Variants in MAGI1 observed in about 807,000 individuals in gnomAD.
MAGI1 encodes the protein membrane-associated guanylate kinase, WW and PDZ domain-containing protein 1.
MAGI1 carries 58 observed loss-of-function variants against 139.9 expected under a neutral mutation model. The ratio of observed to expected loss-of-function variants is 0.41; its 90% CI spans 0.34 to 0.52. The LOEUF is 0.52. Among genes scored for constraint, MAGI1 ranks in the 20% least tolerant of loss-of-function variants. MAGI1 has a pLI of 0.12. For missense variants in MAGI1, 1,874 were observed against 1,901.6 expected, an observed-to-expected ratio of 0.99 and a Z score of 0.27; for synonymous variants, 812 against 737.9, an observed-to-expected ratio of 1.10 and a Z score of -1.63.
chr3:65,756,643 A>G (rs73832944), intron 1 of MAGI1, among the ~76,000 whole-genome samples: 3,032 of 152,120 alleles, frequency 0.02, 93 homozygotes, highest in African/African-American at 0.069. Context: ...AACTGTACAC[A>G]CTCTGAAGTG....
chr3:65,636,707 CACACACACACACACACAT>C (rs1234207308), intron 1 of MAGI1, among the ~76,000 whole-genome samples: 63 of 150,710 alleles, frequency 4.2e-4, no homozygotes, highest in African/African-American at 1.5e-3. Context: ...AACACATACA[CACACACACACACACACAT>C]ACACACACAC....
intron 1 of MAGI1, among the ~76,000 whole-genome samples, chr3:65,740,157 A>G (rs763164386): frequency 3.3e-5 from 5 of 152,248 alleles, no homozygotes; most frequent in Admixed American, 2.0e-4. Context: ...ACACAGAAAC[A>G]TAACAACCCA....
At chr3:65,692,557 C>A (rs1324443412) in intron 1 of MAGI1, among the ~76,000 whole-genome samples, 1 of 152,154 alleles carries the variant, frequency 6.6e-6, no homozygotes, top group African/African-American at 2.4e-5. Flanking sequence ...ACATCATCAT[C>A]ATCACCATCC....
intron 2 of MAGI1, among the ~76,000 whole-genome samples, chr3:65,612,120 G>A (rs1049183240): frequency 3.3e-5 from 5 of 151,952 alleles, no homozygotes; most frequent in Non-Finnish European, 5.9e-5. Flanking sequence ...ATAAGTAAGG[G>A]GGAAGAGAGA....
intron 1 of MAGI1, among the ~76,000 whole-genome samples, chr3:65,936,909 T>G (rs879943829): frequency 0.024 from 3,247 of 136,670 alleles, 42 homozygotes; most frequent in African/African-American, 0.037. Context: ...AAAGTTGTTG[T>G]TGTTGTTGTT....
chr3:65,417,123 A>T (rs989232472), intron 12 of MAGI1, among the ~76,000 whole-genome samples: 1 of 152,196 alleles, frequency 6.6e-6, no homozygotes, highest in Non-Finnish European at 1.5e-5. Context: ...CTTGCAATAA[A>T]GAGAAGTTCA....
chr3:65,900,596 C>T (rs1246388159), intron 1 of MAGI1, among the ~76,000 whole-genome samples: 1 of 152,046 alleles, frequency 6.6e-6, no homozygotes, highest in African/African-American at 2.4e-5. Flanking sequence ...TTGAAATTGG[C>T]GTGAAGAGGG....
At chr3:65,889,716 C>T (rs1480009219) in intron 1 of MAGI1, among the ~76,000 whole-genome samples, 1 of 152,064 alleles carries the variant, frequency 6.6e-6, no homozygotes, top group African/African-American at 2.4e-5. Context: ...ATAATAATGT[C>T]AGTTACCATC....
chr3:65,926,331 C>CTT lies in MAGI1; in HGVS notation c.313+111664_313+111665insAA, dbSNP rs1329547328. On this transcript the variant is annotated intron_variant, in intron 1 of 22. Coordinates refer to ENST00000402939, the MANE Select transcript of MAGI1 (RefSeq NM_001033057.2). ...ATCCAAGACTGAAGTCTTCTTTTCTCTCTCTCTCTCTCTCTCTCTCTCTCT... is the reference window on the plus strand; with the variant it reads ...ATCCAAGACTGAAGTCTTCTTTTCTCTTTCTCTCTCTCTCTCTCTCTCTCTCT... Among the ~76,000 whole-genome samples the CTT allele has an allele frequency of 2.4e-3, 321 of 135,334 alleles. 5 individuals carry two copies. The highest frequency in any genetic ancestry group is 3.0e-3 in the African/African-American group (103 of 34,228). 88.8% of individuals were successfully genotyped at this position (135,334 alleles called of 152,430 possible).
At chr3:65,476,734 T>C (rs1210825992) in intron 4 of MAGI1, among the ~76,000 whole-genome samples, 1 of 152,224 alleles carries the variant, frequency 6.6e-6, no homozygotes, top group African/African-American at 2.4e-5. Flanking sequence ...GGTTATACCA[T>C]GATTTGCTAT....
At chr3:65,742,629 G>A (rs1327829268) in intron 1 of MAGI1, among the ~76,000 whole-genome samples, 1 of 152,216 alleles carries the variant, frequency 6.6e-6, no homozygotes, top group Non-Finnish European at 1.5e-5. Context: ...GTCTGCTGGG[G>A]TGCATGCACA....
At chr3:65,716,479 T>G (rs1416537431) in intron 1 of MAGI1, among the ~76,000 whole-genome samples, 2 of 152,184 alleles carry the variant, frequency 1.3e-5, no homozygotes, top group Non-Finnish European at 2.9e-5. Flanking sequence ...GAGCAGCAAT[T>G]AGGCCGACAC....
At chr3:65,942,375 G>A (rs1407009132) in intron 1 of MAGI1, among the ~76,000 whole-genome samples, 1 of 152,118 alleles carries the variant, frequency 6.6e-6, no homozygotes, top group Non-Finnish European at 1.5e-5. Flanking sequence ...TTTTATCTGT[G>A]CTCTGGAGAA....
intron 1 of MAGI1, among the ~76,000 whole-genome samples, chr3:65,746,770 TTA>T (rs2035746606): frequency 6.6e-6 from 1 of 152,164 alleles, no homozygotes; most frequent in Non-Finnish European, 1.5e-5. Context: ...TGGAAAATAA[TTA>T]TATTACTTTG....
chr3:65,597,783 G>A (rs1003927226), intron 2 of MAGI1: 1 of 456,610 alleles, frequency 2.2e-6, no homozygotes, highest in Non-Finnish European at 4.4e-6. Context: ...TGGAGGGGTG[G>A]CGAGAGGAGA....
chr3:65,754,905 T>C (rs1481765618), intron 1 of MAGI1, among the ~76,000 whole-genome samples: 1 of 152,152 alleles, frequency 6.6e-6, no homozygotes, highest in Non-Finnish European at 1.5e-5. Flanking sequence ...GGCTGGCCAA[T>C]TAAATAACTG....
intron 2 of MAGI1, among the ~76,000 whole-genome samples, chr3:65,575,652 G>T (rs1238265290): frequency 6.6e-6 from 1 of 152,076 alleles, no homozygotes; most frequent in Non-Finnish European, 1.5e-5. Flanking sequence ...ACAAACAAAA[G>T]ATGATACATC....
intron 1 of MAGI1, among the ~76,000 whole-genome samples, chr3:65,976,512 T>C (rs2065273481): frequency 6.6e-6 from 1 of 152,018 alleles, no homozygotes; most frequent in African/African-American, 2.4e-5. Context: ...GCTCCTGTAA[T>C]CCCAGCTACT....
intron 1 of MAGI1, among the ~76,000 whole-genome samples, chr3:65,729,429 T>C (rs1295089720): frequency 2.6e-5 from 4 of 152,202 alleles, no homozygotes; most frequent in Admixed American, 2.0e-4. Context: ...ATTTTGGGTA[T>C]AATACTATGC....
Sources: gnomAD v4.1 joint callset for allele counts (sites outside exome capture counted in the v4.1 genomes callset) on GRCh38, gnomAD v4.1.1 for gene constraint, MANE v1.5 for transcripts, NCBI Gene and HGNC (gene_info 2026-07-23, HGNC 2026-07-21) for gene names.